SIMC1: variants seen among roughly 807,000 people sequenced by gnomAD.
SIMC1 encodes the protein SUMO interacting motifs containing 1, also known as SUMO-interacting motif-containing protein 1.
Under a neutral mutation model 82.3 loss-of-function variants are expected in SIMC1, and 55 were observed. That is an observed-to-expected ratio of 0.67 (90% CI 0.54 to 0.84). SIMC1 has a LOEUF of 0.84. Ranked by LOEUF, SIMC1 falls within the 40% of genes least tolerant of loss-of-function variation. SIMC1 has a pLI of 0.00. For synonymous variants in SIMC1, 353 were observed against 426.3 expected (o/e 0.83, Z 2.12); for missense variants, 915 against 1,107.2 (o/e 0.83, Z 2.46).
chr5:176,333,748 A>T (rs1033044439), intron 7 of SIMC1, among the ~76,000 whole-genome samples: 8 of 146,558 alleles, frequency 5.5e-5, no homozygotes, highest in Admixed American at 4.1e-4. Context: ...GATTTTTAAT[A>T]TTTTTTTTTT....
chr5:176,313,482 A>G (rs531702258), intron 4 of SIMC1: 1 of 1,551,928 alleles, frequency 6.4e-7, no homozygotes, highest in African/African-American at 1.4e-5. Context: ...GAAACCTTAT[A>G]AGGTATGATT....
chr5:176,291,572 G>A (rs1202955068), intron 2 of SIMC1, among the ~76,000 whole-genome samples: 2 of 151,916 alleles, frequency 1.3e-5, no homozygotes, highest in Non-Finnish European at 2.9e-5. Flanking sequence ...TCCTGACCTC[G>A]TGATCCACCC....
Position 176,262,156 on chromosome 5 carries a change from A to G in SIMC1, c.129+23519A>G, listed in dbSNP as rs569195724. On this transcript the variant is annotated intron_variant, in intron 1 of 9. Transcript: ENST00000429602. ...GATTTCTCCCAGGTATGCAAGGTCA[A>G]TTCTACATTTGAAAATCAATTAAAT... Among the ~76,000 whole-genome samples the G allele has an allele frequency of 9.9e-5, 15 of 151,938 alleles. No individual in the cohort carries two copies. The East Asian group carries it at 1.7e-3, about 18-fold the overall frequency.
intron 7 of SIMC1, among the ~76,000 whole-genome samples, chr5:176,326,277 G>A (rs1390425289): frequency 1.3e-5 from 2 of 151,998 alleles, no homozygotes; most frequent in East Asian, 1.9e-4. Context: ...ATGCCAAATA[G>A]TACTGGAATA....
intron 7 of SIMC1, among the ~76,000 whole-genome samples, chr5:176,334,010 G>A (rs559166543): frequency 4.6e-5 from 7 of 151,154 alleles, no homozygotes; most frequent in African/African-American, 1.2e-4. Context: ...TTTGCTGCAA[G>A]TCTTCATCTA....
At position 176,315,312 on chromosome 5, in the gene SIMC1, G is replaced by A. The variant is rs192703606; in HGVS notation, c.1889+1467G>A. Among the ~76,000 whole-genome samples, 182 of 152,194 alleles carry A rather than the reference G, an allele frequency of 1.2e-3. 2 individuals carry two copies. Among genetic ancestry groups the A allele is most frequent in the East Asian group, 3.5e-3 (18 of 5,182 alleles). ...AACCTCTGTCAAACAGTCGGCTCTC[G>A]AGTGAACTAATAGAGTGAGAACTCA... On this transcript the variant is annotated intron_variant, in intron 5 of 9. Coordinates refer to ENST00000429602, the MANE Select transcript of SIMC1 (RefSeq NM_001308195.2).
chr5:176,340,596 A>G (rs1382665461), intron 9 of SIMC1, among the ~76,000 whole-genome samples: 1 of 152,182 alleles, frequency 6.6e-6, no homozygotes, highest in Non-Finnish European at 1.5e-5. Context: ...CAATTCATAT[A>G]TTTATCCAGG....
chr5:176,242,016 A>G (rs1761292245), intron 1 of SIMC1, among the ~76,000 whole-genome samples: 1 of 152,118 alleles, frequency 6.6e-6, no homozygotes, highest in Non-Finnish European at 1.5e-5. Flanking sequence ...TTCAAGGTTT[A>G]CGATATTACC....
chr5:176,307,561 C>T (rs959559142), intron 4 of SIMC1, among the ~76,000 whole-genome samples: 11 of 151,966 alleles, frequency 7.2e-5, no homozygotes, highest in Admixed American at 2.6e-4. Flanking sequence ...CCACCACGCC[C>T]GGCTAATTTT....
At chr5:176,317,759 T>A (rs892195753) in intron 5 of SIMC1, among the ~76,000 whole-genome samples, 2 of 152,232 alleles carry the variant, frequency 1.3e-5, no homozygotes, top group Non-Finnish European at 2.9e-5. Context: ...ATCCTATTTT[T>A]AAGTTTCTTG....
At chr5:176,307,670 G>T (rs141297487) in intron 4 of SIMC1, among the ~76,000 whole-genome samples, 3,205 of 152,296 alleles carry the variant, frequency 0.021, 49 homozygotes, top group Middle Eastern at 0.068. Context: ...AAAGTGCTGG[G>T]ATTACAGGTT....
chr5:176,241,436 G>A (rs956952248), intron 1 of SIMC1, among the ~76,000 whole-genome samples: 4 of 124,066 alleles, frequency 3.2e-5, no homozygotes, highest in African/African-American at 9.4e-5. Flanking sequence ...TTATGCCTTC[G>A]TTTCTAAATT....
Position 176,294,985 on chromosome 5 carries a change from AAG to A in SIMC1, c.1432-43_1432-42del, listed in dbSNP as rs1763745009. 4 of 1,523,872 alleles carry A rather than the reference AAG, an allele frequency of 2.6e-6. No individual in the cohort carries two copies. The Admixed American group carries it at 6.9e-5, about 26-fold the overall frequency. The allele number at this position is 1,523,872 out of a possible 1,614,324, so 94.4% of individuals were successfully genotyped here. On this transcript the variant is annotated intron_variant, in intron 2 of 9. Transcript: ENST00000429602. ...GTCTCAAAAAAAAAAAAAAAAAAAA[AAG>A]AAAAGAAATCCCTCCTAATTTCCTT...
chr5:176,301,193 G>A (rs1475453232), intron 4 of SIMC1, among the ~76,000 whole-genome samples: 3 of 152,148 alleles, frequency 2.0e-5, no homozygotes, highest in Non-Finnish European at 4.4e-5. Flanking sequence ...GGGACCTGGT[G>A]GGAGGTAATT....
rs199871269 is a variant in SIMC1, at chr5:176,272,004, GTAATA to G, written c.130-17642_130-17638del. ...ATATAACATAATATATATAACATAT[GTAATA>G]TAATATATAATATATCTACTATGCA... On this transcript the variant is annotated intron_variant, in intron 1 of 9. Coordinates refer to ENST00000429602, the MANE Select transcript of SIMC1 (RefSeq NM_001308195.2). Among the ~76,000 whole-genome samples the G allele has an allele frequency of 1.9e-3, 279 of 143,470 alleles. 6 individuals are homozygous for G. The East Asian group carries it at 0.042, about 21-fold the overall frequency. The allele number at this position is 143,470 out of a possible 152,430, so 94.1% of individuals were successfully genotyped here.
intron 1 of SIMC1, among the ~76,000 whole-genome samples, chr5:176,282,567 C>T (rs1763064479): frequency 6.6e-6 from 1 of 151,534 alleles, no homozygotes; most frequent in Admixed American, 6.6e-5. Flanking sequence ...CCTATTCGGC[C>T]ATCTTGGCTC....
intron 4 of SIMC1, chr5:176,308,288 T>C: frequency 6.8e-7 from 1 of 1,465,272 alleles, no homozygotes; most frequent in Non-Finnish European, 9.6e-7. Flanking sequence ...TCACATTCGT[T>C]CTGTCATCAT....
chr5:176,256,423 G>T (rs189800802), intron 1 of SIMC1, among the ~76,000 whole-genome samples: 1 of 151,918 alleles, frequency 6.6e-6, no homozygotes, highest in Non-Finnish European at 1.5e-5. Flanking sequence ...TTCATCCTTC[G>T]CAAACTTTCC....
intron 1 of SIMC1, among the ~76,000 whole-genome samples, chr5:176,247,774 A>C (rs1761499888): frequency 1.3e-5 from 2 of 151,340 alleles, no homozygotes; most frequent in Admixed American, 1.3e-4. Flanking sequence ...ATCTTCAGTT[A>C]ATTTTTGTAT....
Sources: gnomAD v4.1 joint callset for allele counts (sites outside exome capture counted in the v4.1 genomes callset) on GRCh38, gnomAD v4.1.1 for gene constraint, MANE v1.5 for transcripts, NCBI Gene and HGNC (gene_info 2026-07-23, HGNC 2026-07-21) for gene names.